The following PID1 variants were observed in gnomAD, a reference collection of about 807,000 sequenced individuals.
The protein encoded by PID1 is phosphotyrosine interaction domain containing 1.
PID1 carries 10 observed loss-of-function variants against 19.1 expected under a neutral mutation model. The ratio of observed to expected loss-of-function variants is 0.52; its 90% confidence interval spans 0.32 to 0.89. The LOEUF is 0.89. Among genes scored for constraint, PID1 ranks in the 40% least tolerant of loss-of-function variants. The pLI, the probability that PID1 is intolerant of heterozygous loss-of-function variation, is 0.03. For synonymous variants in PID1, 130 were observed against 116.0 expected (o/e 1.12, Z -0.78); for missense variants, 248 against 285.3 (o/e 0.87, Z 0.94).
intron 1 of PID1, among the ~76,000 whole-genome samples, chr2:229,184,074 G>A (rs55645802): frequency 1.6e-3 from 20 of 12,276 alleles, no homozygotes; most frequent in African/African-American, 0.01. Context: ...TATCCCATAT[G>A]TATATCCCAT....
chr2:229,065,634 G>C (rs917586671), intron 2 of PID1, among the ~76,000 whole-genome samples: 1 of 139,340 alleles, frequency 7.2e-6, no homozygotes, highest in East Asian at 2.2e-4. Flanking sequence ...GTTTATTGAG[G>C]TCATTATTTC....
intron 2 of PID1, among the ~76,000 whole-genome samples, chr2:229,031,418 G>A (rs7591790): frequency 0.59 from 89,238 of 151,152 alleles, 26,652 homozygotes; most frequent in African/African-American, 0.68. Context: ...TTAGCTGGGT[G>A]TGGTGGTGCA....
At chr2:229,190,346 C>T (rs527843359) in intron 1 of PID1, among the ~76,000 whole-genome samples, 1 of 152,214 alleles carries the variant, frequency 6.6e-6, no homozygotes, top group Non-Finnish European at 1.5e-5. Context: ...CAGCCCCGAG[C>T]TATACCCCAG....
At chr2:229,039,142 T>C (rs192350381) in intron 2 of PID1, among the ~76,000 whole-genome samples, 32 of 152,336 alleles carry the variant, frequency 2.1e-4, no homozygotes, top group Non-Finnish European at 4.1e-4. Flanking sequence ...GTACTGACAG[T>C]CCTAGCTCAC....
At chr2:229,176,209 T>C (rs551963985) in intron 1 of PID1, among the ~76,000 whole-genome samples, 8 of 151,550 alleles carry the variant, frequency 5.3e-5, no homozygotes, top group Admixed American at 4.6e-4. Flanking sequence ...AATTGAATTA[T>C]AAACAAGAAG....
chr2:229,131,461 C>A (rs1008296581), intron 2 of PID1, among the ~76,000 whole-genome samples: 2 of 152,130 alleles, frequency 1.3e-5, no homozygotes. Context: ...AAACTTCTGA[C>A]CTCAGGTGAT....
At chr2:229,166,133 A>G (rs576331465) in intron 1 of PID1, among the ~76,000 whole-genome samples, 1 of 152,346 alleles carries the variant, frequency 6.6e-6, no homozygotes, top group African/African-American at 2.4e-5. Context: ...GCTCCTCAAC[A>G]AAGTGAAAAG....
intron 2 of PID1, among the ~76,000 whole-genome samples, chr2:229,083,265 C>T (rs1323341002): frequency 2.6e-5 from 4 of 152,184 alleles, no homozygotes; most frequent in African/African-American, 9.7e-5. Context: ...CCAGTATGTG[C>T]TGGAGTGGCT....
In PID1 at chr2:229,177,821, C is replaced by T. The variant is rs761789620; in HGVS notation, c.31-21857G>A. On this transcript the variant is annotated intron_variant, in intron 1 of 2. Coordinates refer to ENST00000392055, the MANE Select transcript of PID1 (RefSeq NM_001100818.2). Reference sequence around the variant, plus strand: ...TCCAGAGCTATGTCAGGTATAATGACTCAGGAAATGCTCACGACAATGCTC... The same window carrying T: ...TCCAGAGCTATGTCAGGTATAATGATTCAGGAAATGCTCACGACAATGCTC... 5.9e-5 allele frequency among the ~76,000 whole-genome samples: 9 copies of T among 152,276 alleles called. No homozygotes were observed. In the East Asian group the frequency reaches 1.7e-3, roughly 29 times the overall value.
chr2:229,105,356 G>A (rs905026502), intron 2 of PID1, among the ~76,000 whole-genome samples: 3 of 152,186 alleles, frequency 2.0e-5, no homozygotes, highest in African/African-American at 7.2e-5. Context: ...TTCTGCTGCA[G>A]GCAGCTAAAA....
intron 1 of PID1, among the ~76,000 whole-genome samples, chr2:229,202,854 T>C (rs1346055314): frequency 2.0e-5 from 3 of 152,118 alleles, no homozygotes; most frequent in East Asian, 3.9e-4. Flanking sequence ...ATAACAGATA[T>C]ATGGTTACCA....
intron 1 of PID1, among the ~76,000 whole-genome samples, chr2:229,206,902 G>T (rs533405707): frequency 6.6e-6 from 1 of 152,282 alleles, no homozygotes; most frequent in South Asian, 2.1e-4. Flanking sequence ...TTAGAATGCA[G>T]ATTCTGGGTC....
chr2:229,198,099 T>C (rs1691416525), intron 1 of PID1, among the ~76,000 whole-genome samples: 1 of 152,058 alleles, frequency 6.6e-6, no homozygotes, highest in Non-Finnish European at 1.5e-5. Context: ...ATTGGCACTT[T>C]GAGAAATCAG....
intron 2 of PID1, among the ~76,000 whole-genome samples, chr2:229,064,587 A>C (rs1694280825): frequency 6.6e-6 from 1 of 152,168 alleles, no homozygotes. Context: ...GAATTCATTA[A>C]ATTCATAAAT....
chr2:229,094,397 C>T (rs1212815448), intron 2 of PID1, among the ~76,000 whole-genome samples: 1 of 151,982 alleles, frequency 6.6e-6, no homozygotes, highest in Non-Finnish European at 1.5e-5. Context: ...CAATGCAATT[C>T]CTATCAAAAT....
chr2:229,201,116 T>C (rs972440263), intron 1 of PID1, among the ~76,000 whole-genome samples: 3 of 152,096 alleles, frequency 2.0e-5, no homozygotes, highest in African/African-American at 4.8e-5. Context: ...TTTATTATGG[T>C]AAAATACAAA....
At chr2:229,131,979 GA>G (rs1258933495) in intron 2 of PID1, among the ~76,000 whole-genome samples, 1 of 152,126 alleles carries the variant, frequency 6.6e-6, no homozygotes, top group African/African-American at 2.4e-5. Context: ...AGCTATCTTA[GA>G]AAAGAGCAAT....
intron 2 of PID1, among the ~76,000 whole-genome samples, chr2:229,084,713 A>T (rs1444173939): frequency 6.6e-6 from 1 of 152,230 alleles, no homozygotes; most frequent in African/African-American, 2.4e-5. Context: ...CACAGCCAAG[A>T]TGGCAAGACT....
chr2:229,257,418 C>T (rs1428816915), intron 1 of PID1, among the ~76,000 whole-genome samples: 1 of 152,156 alleles, frequency 6.6e-6, no homozygotes, highest in East Asian at 1.9e-4. Flanking sequence ...CTTTCCTGTC[C>T]ACGTGATGTC....
Sources: gnomAD v4.1 joint callset for allele counts (sites outside exome capture counted in the v4.1 genomes callset) on GRCh38, gnomAD v4.1.1 for gene constraint, MANE v1.5 for transcripts, NCBI Gene and HGNC (gene_info 2026-07-23, HGNC 2026-07-21) for gene names.